The following CNTN1 variants were observed in gnomAD, a reference collection of about 807,000 sequenced individuals.
CNTN1 encodes contactin 1.
Under a neutral mutation model 126.4 loss-of-function variants are expected in CNTN1, and 38 were observed. That is an observed-to-expected ratio of 0.30 (90% CI 0.23 to 0.39). The LOEUF is 0.39. CNTN1 is among the 10% of genes least tolerant of loss of function. CNTN1 has a pLI of 1.00. For synonymous variants in CNTN1, 413 were observed against 422.6 expected, an observed-to-expected ratio of 0.98 and a Z score of 0.28; for missense variants, 1,009 against 1,248.4, an observed-to-expected ratio of 0.81 and a Z score of 2.89.
At chr12:40,813,026 T>C (rs1592114972) in intron 1 of CNTN1, among the ~76,000 whole-genome samples, 2 of 41,270 alleles carry the variant, frequency 4.8e-5, no homozygotes, top group African/African-American at 1.2e-4. Context: ...CTTTCTTTCT[T>C]TCTCTTTCTT....
At chr12:40,798,828 A>G (rs1210419371) in intron 1 of CNTN1, among the ~76,000 whole-genome samples, 1 of 152,012 alleles carries the variant, frequency 6.6e-6, no homozygotes, top group Non-Finnish European at 1.5e-5. Context: ...AATAATCTGT[A>G]CAGCAAATCC....
At position 40,944,151 on chromosome 12, in the gene CNTN1, A is replaced by G. The variant is rs761803826; in HGVS notation, c.1664A>G (p.His555Arg). 2.1e-5 allele frequency: 34 copies of G among 1,613,192 alleles called. No individual in the cohort carries two copies. In the East Asian group the frequency reaches 6.9e-4, roughly 33 times the overall value. Residue 555 changes from histidine (H) to arginine (R), a missense_variant, in exon 14 of 24, where the codon CAC becomes CGC. Coordinates refer to ENST00000551295, the MANE Select transcript of CNTN1 (RefSeq NM_001843.4). ...YVIDFNKENI[H>R]YQRNFMLDSN... ...ATCGATTTTAACAAAGAGAATATTC[A>G]CTACCAGAGGAATTTTATGGTATGT...
chr12:40,961,660 G>A (rs548267729), intron 15 of CNTN1, among the ~76,000 whole-genome samples: 7 of 150,506 alleles, frequency 4.7e-5, no homozygotes, highest in South Asian at 2.1e-4. Context: ...TAAGATTTTC[G>A]TAGCCAGCAA....
At chr12:40,794,542 G>T (rs992577502) in intron 1 of CNTN1, among the ~76,000 whole-genome samples, 7 of 151,672 alleles carry the variant, frequency 4.6e-5, no homozygotes, top group Non-Finnish European at 8.8e-5. Context: ...TTACCTAAAT[G>T]ATATATTGCC....
At chr12:40,890,327 A>G (rs1411165529) in intron 1 of CNTN1, among the ~76,000 whole-genome samples, 3 of 152,276 alleles carry the variant, frequency 2.0e-5, no homozygotes, top group South Asian at 2.1e-4. Context: ...GTTAAAATCG[A>G]TGAACCCGCA....
chr12:40,909,489 AATGGTCCTC>A (rs1944952385), intron 2 of CNTN1, among the ~76,000 whole-genome samples: 1 of 151,896 alleles, frequency 6.6e-6, no homozygotes, highest in East Asian at 1.9e-4. Flanking sequence ...TCAAGACATA[AATGGTCCTC>A]ATCCTTTTGT....
intron 1 of CNTN1, among the ~76,000 whole-genome samples, chr12:40,721,121 C>T (rs1315723498): frequency 6.6e-6 from 1 of 152,130 alleles, no homozygotes; most frequent in Non-Finnish European, 1.5e-5. Context: ...TCTCTCTCCT[C>T]TTTCGGAATC....
intron 14 of CNTN1, among the ~76,000 whole-genome samples, chr12:40,953,727 T>C (rs1471265535): frequency 1.3e-5 from 2 of 152,164 alleles, no homozygotes; most frequent in East Asian, 3.9e-4. Flanking sequence ...ATAAATTTAA[T>C]ATAATGTATT....
chr12:40,977,895 C>A (rs1947723364), intron 15 of CNTN1, among the ~76,000 whole-genome samples: 1 of 151,968 alleles, frequency 6.6e-6, no homozygotes, highest in Non-Finnish European at 1.5e-5. Flanking sequence ...CTCTGCCTCC[C>A]AGGTTCAAGC....
intron 1 of CNTN1, among the ~76,000 whole-genome samples, chr12:40,695,189 A>G (rs1941421702): frequency 6.6e-6 from 1 of 152,248 alleles, no homozygotes; most frequent in Non-Finnish European, 1.5e-5. Flanking sequence ...ACAGTCCTAT[A>G]ATAAGTAGCC....
chr12:40,881,574 C>T (rs1449564195), intron 1 of CNTN1, among the ~76,000 whole-genome samples: 2 of 151,830 alleles, frequency 1.3e-5, no homozygotes, highest in African/African-American at 2.4e-5. Context: ...ATTGACTACT[C>T]CAGTAGGCCC....
intron 15 of CNTN1, among the ~76,000 whole-genome samples, chr12:40,977,409 G>A (rs754454891): frequency 5.9e-5 from 9 of 152,110 alleles, no homozygotes. Context: ...AGGCATGTCT[G>A]GCTGCCCCTT....
rs536752396 is a variant in CNTN1 at position 41,053,873 on chromosome 12, AG to A, written c.2981-16084del. On this transcript the variant is annotated intron_variant, in intron 23 of 23. Coordinates refer to ENST00000551295, the MANE Select transcript of CNTN1 (RefSeq NM_001843.4). ...TTAAAATAAATACAGTGTACCACTA[AG>A]GCAAAAGTCCCCAAAACTCTATTGT... Among the ~76,000 whole-genome samples, 522 of 151,884 alleles carry A rather than the reference AG, an allele frequency of 3.4e-3. 1 individual carries two copies. Among genetic ancestry groups the A allele is most frequent in the African/African-American group, 0.012 (486 of 41,526 alleles).
chr12:40,899,938 TA>T (rs1036693906), intron 1 of CNTN1, among the ~76,000 whole-genome samples: 4 of 152,140 alleles, frequency 2.6e-5, no homozygotes, highest in African/African-American at 7.2e-5. Flanking sequence ...AAGTATCTTT[TA>T]AAAAAATTAA....
chr12:40,852,502 A>C (rs796709279), intron 1 of CNTN1, among the ~76,000 whole-genome samples: 4 of 151,628 alleles, frequency 2.6e-5, no homozygotes, highest in African/African-American at 9.7e-5. Context: ...AAAAATGTTT[A>C]TTAGTATTTT....
chr12:40,862,392 T>C (rs1431081757), intron 1 of CNTN1, among the ~76,000 whole-genome samples: 2 of 152,206 alleles, frequency 1.3e-5, no homozygotes, highest in African/African-American at 2.4e-5. Flanking sequence ...TTCACATTTC[T>C]TAAAATGTGG....
Position 40,981,188 on chromosome 12 carries a change from T to C in CNTN1, c.1963+121T>C, listed in dbSNP as rs569868074. 8.0e-5 allele frequency: 73 copies of C among 906,966 alleles called. No homozygotes were observed. In the Middle Eastern group the frequency reaches 2.8e-3, roughly 35 times the overall value. 56.2% of individuals were successfully genotyped at this position (906,966 alleles called of 1,614,324 possible). On this transcript the variant is annotated intron_variant, in intron 16 of 23. Coordinates refer to ENST00000551295, the MANE Select transcript of CNTN1 (RefSeq NM_001843.4). ...ACCTTGAAAGGCTTTCTTTCTTAAA[T>C]TTTTTAAAATGTATTCTAATATTTT...
chr12:41,016,953 G>A (rs764684241), intron 19 of CNTN1, 37 bp downstream of exon 19: 2 of 1,536,098 alleles, frequency 1.3e-6, no homozygotes, highest in South Asian at 1.1e-5. Context: ...TGAGGAGGGA[G>A]GAAAAACGTA....
At chr12:40,918,859 G>C (rs1945337791) in intron 4 of CNTN1, 88 bp downstream of exon 4, 1 of 1,497,414 alleles carries the variant, frequency 6.7e-7, no homozygotes, top group Non-Finnish European at 9.3e-7. Flanking sequence ...ATGTAATATA[G>C]TGCTTTCTGC....
Sources: gnomAD v4.1 joint callset for allele counts (sites outside exome capture counted in the v4.1 genomes callset) on GRCh38, gnomAD v4.1.1 for gene constraint, MANE v1.5 for transcripts, NCBI Gene and HGNC (gene_info 2026-07-23, HGNC 2026-07-21) for gene names.